The following TARS2 variants were observed in gnomAD, a reference collection of about 807,000 sequenced individuals.
The protein encoded by TARS2 is threonine--tRNA ligase, mitochondrial.
TARS2 carries 61 observed loss-of-function variants against 94.4 expected under a neutral mutation model. The observed-to-expected ratio is 0.65, with a 90% CI of 0.53 to 0.80. The LOEUF is 0.80. TARS2 is among the 30% of genes least tolerant of loss of function. The pLI, the probability that TARS2 is intolerant of heterozygous loss-of-function variation, is 0.00. For missense variants in TARS2, 704 were observed against 902.5 expected (o/e 0.78, Z 2.82); for synonymous variants, 359 against 353.4 (o/e 1.02, Z -0.18).
chr1:150,496,479 C>G lies in TARS2; in HGVS notation c.775-3C>G. On this transcript the variant is annotated splice_polypyrimidine_tract_variant and splice_region_variant and intron_variant, in intron 7 of 17. Transcript: ENST00000369064. ...TCCTTTGATCCCCTATGTCCTCACA[C>G]AGAACTCATCATCCTTATGGAGGTC... 6.2e-7 allele frequency: 1 copy of G among 1,610,226 alleles called. No homozygotes were observed. The highest frequency in any genetic ancestry group is 8.5e-7 in the Non-Finnish European group (1 of 1,177,468).
At chr1:150,497,868 G>A in intron 10 of TARS2, 121 bp downstream of exon 10, 2 of 987,122 alleles carry the variant, frequency 2.0e-6, no homozygotes. Flanking sequence ...GAGGCGGGCG[G>A]ATCACCTGAG....
intron 17 of TARS2, 107 bp from the exon 18 acceptor site, chr1:150,506,809 T>C: frequency 1.4e-6 from 2 of 1,467,990 alleles, no homozygotes; most frequent in Non-Finnish European, 1.9e-6. Context: ...TGGGCTCTGC[T>C]CCCACCCTTC....
rs148950017 is a variant in TARS2 at position 150,498,934 on chromosome 1, G to A, written c.1439G>A (p.Arg480His). ...AEIQSCLDFL[R>H]SVYAVLGFSF... is the part of the protein sequence containing the mutation. ...ATCCAAAGCTGTCTTGATTTCCTCC[G>A]TTCCGTCTATGCCGTTCTTGGCTTC... is the stretch of plus-strand genomic sequence containing the variant. The change falls in exon 12 of 18, where the codon CGT becomes CAT. Residue 480 changes from arginine to histidine, a missense_variant. Coordinates refer to ENST00000369064, the MANE Select transcript of TARS2 (RefSeq NM_025150.5). The A allele has an allele frequency of 1.4e-4, 228 of 1,614,092 alleles. 1 individual carries two copies. The highest frequency in any genetic ancestry group is 1.2e-3 in the African/African-American group (91 of 75,016).
rs1669377062 is a variant in TARS2 at position 150,491,408 on chromosome 1, C to G, written c.527C>G (p.Ser176Ter). ...CCTCTTTCCAGGACAATCCGGGGCT[C>G]AGAGCTGCCTGTTTTGGAGCGGATT... ...FLGKERTIRG[S>*]ELPVLERICQ... Residue 176 changes from serine (S) to a stop codon, truncating the protein, a stop_gained, in exon 5 of 18, where the codon TCA becomes TGA. Transcript: ENST00000369064. LOFTEE classifies it high-confidence loss of function. 1 of 1,612,866 alleles carries G rather than the reference C, an allele frequency of 6.2e-7. No individual in the cohort carries two copies. Among genetic ancestry groups the G allele is most frequent in the African/African-American group, 1.3e-5 (1 of 74,900 alleles).
intron 7 of TARS2, among the ~76,000 whole-genome samples, chr1:150,495,596 A>G (rs1192698437): frequency 6.7e-6 from 1 of 150,322 alleles, no homozygotes; most frequent in Non-Finnish European, 1.5e-5. Flanking sequence ...AGGTTTCACC[A>G]TGTTGGTCAG....
rs1560251416 is a variant in TARS2 at position 150,497,603 on chromosome 1, C to A, written c.1094C>A (p.Ser365Ter). The A allele has an allele frequency of 6.2e-7, 1 of 1,614,046 alleles. No individual in the cohort carries two copies. Among genetic ancestry groups the A allele is most frequent in the Non-Finnish European group, 8.5e-7 (1 of 1,180,040 alleles). Residue 365 changes from serine (S) to a stop codon, truncating the protein, a stop_gained, in exon 10 of 18, where the codon TCA (serine) becomes TAA (stop). Coordinates refer to ENST00000369064, the MANE Select transcript of TARS2 (RefSeq NM_025150.5). LOFTEE classifies it high-confidence loss of function. ...TTTTCTACGAAGCTCTGGGAACAGT[C>A]AGGGCACTGGGAGCATTATCAGGAA... ...TLFSTKLWEQ[S>*]GHWEHYQEDM...
chr1:150,488,664 A>G (rs1334604067), intron 2 of TARS2: 2 of 261,764 alleles, frequency 7.6e-6, no homozygotes, highest in East Asian at 8.5e-5. Flanking sequence ...TGTTGGGACT[A>G]TTTCAAATCT....
At chr1:150,493,373 T>C (rs1442574186) in intron 7 of TARS2, among the ~76,000 whole-genome samples, 1 of 151,490 alleles carries the variant, frequency 6.6e-6, no homozygotes, top group Non-Finnish European at 1.5e-5. Flanking sequence ...CAGGGAAGGG[T>C]TGTAGAGAGA....
At chr1:150,506,704 G>A (rs1670240275) in intron 17 of TARS2, among the ~76,000 whole-genome samples, 1 of 151,612 alleles carries the variant, frequency 6.6e-6, no homozygotes, top group Non-Finnish European at 1.5e-5. Context: ...AGGCCTGCGG[G>A]GACTGAAGCA....
chr1:150,502,375 C>T (rs973183569), intron 13 of TARS2, among the ~76,000 whole-genome samples: 4 of 148,744 alleles, frequency 2.7e-5, no homozygotes, highest in East Asian at 2.0e-4. Context: ...TGCACCACCA[C>T]GCCCAGCTAA....
chr1:150,494,600 G>A (rs1203420580), intron 7 of TARS2, among the ~76,000 whole-genome samples: 6 of 151,978 alleles, frequency 3.9e-5, no homozygotes, highest in East Asian at 1.9e-4. Context: ...TTAGCTGGGC[G>A]TGGTGGCATG....
In TARS2 at chr1:150,498,526, A is replaced by G; in HGVS notation, c.1263A>G (p.Arg421=). Residue 421 remains arginine (R), a synonymous_variant, in exon 11 of 18, where the codon AGA becomes AGG. Transcript: ENST00000369064. ...AHCLMFAHRP[R]SWRELPLRLA... Reference sequence around the variant, plus strand: ...GCCTGATGTTCGCCCACCGGCCCAGATCCTGGCGGGAACTGCCCCTGCGAC... The same window carrying G: ...GCCTGATGTTCGCCCACCGGCCCAGGTCCTGGCGGGAACTGCCCCTGCGAC... The G allele has an allele frequency of 6.3e-7, 1 of 1,594,036 alleles. No homozygotes were observed. Among genetic ancestry groups the G allele is most frequent in the African/African-American group, 1.4e-5 (1 of 73,794 alleles).
Position 150,490,746 on chromosome 1 carries a change from G to T in TARS2, c.512+21G>T, listed in dbSNP as rs759803896. ...GAGAGGTGAGTAATGAAAGGAAGGA[G>T]GAGAATGATTCTGGGATGGTTTCTG... is the stretch of plus-strand genomic sequence containing the variant. On this transcript the variant is annotated intron_variant, in intron 4 of 17. Transcript: ENST00000369064. The T allele has an allele frequency of 2.1e-5, 34 of 1,612,946 alleles. No homozygotes were observed. In the South Asian group the frequency reaches 3.4e-4, roughly 16 times the overall value.
Position 150,489,079 on chromosome 1 carries a change from G to A in TARS2, c.379G>A (p.Gly127Arg). The change falls in exon 3 of 18, where the codon GGG (glycine) becomes AGG (arginine). Residue 127 changes from glycine to arginine, a missense_variant. Transcript: ENST00000369064. ...ATTTCTGACATTCGATTCCCCAGAG[G>A]GGAAAGCAGTAAGTTTCTTTCTTAT... ...LRFLTFDSPE[G>R]KAVFWHSSTH... 6.2e-7 allele frequency: 1 copy of A among 1,614,068 alleles called. No homozygotes were observed.
rs777737951 is a variant in TARS2 at position 150,491,384 on chromosome 1, C to T, written c.513-10C>T. 4.3e-6 allele frequency: 7 copies of T among 1,612,162 alleles called. No individual in the cohort carries two copies. The highest frequency in any genetic ancestry group is 2.2e-5 in the East Asian group (1 of 44,890). ...ATAGGATGCAACCCAACCAATTCTCCTCTTTCCAGGACAATCCGGGGCTCA... is the reference window on the plus strand; with the variant it reads ...ATAGGATGCAACCCAACCAATTCTCTTCTTTCCAGGACAATCCGGGGCTCA... On this transcript the variant is annotated splice_polypyrimidine_tract_variant and intron_variant, in intron 4 of 17. Transcript: ENST00000369064.
At position 150,489,025 on chromosome 1, in the gene TARS2, C is replaced by T. The variant is rs771685918; in HGVS notation, c.325C>T (p.Arg109Trp). Residue 109 changes from arginine (R) to tryptophan (W), a missense_variant, in exon 3 of 18, where the codon CGG becomes TGG. By Grantham distance (101) the Arg-to-Trp change is moderately radical. This residue lies in a region of TARS2 where 208 missense variants were observed against 228.5 expected (regional missense o/e 0.91). Coordinates refer to ENST00000369064, the MANE Select transcript of TARS2 (RefSeq NM_025150.5). ...QVNGEPYDLERPLETDSDLRF... is the reference protein window; with the variant it reads ...QVNGEPYDLEWPLETDSDLRF... Reference sequence around the variant, plus strand: ...GAATGGAGAACCTTATGATCTGGAGCGGCCCTTGGAGACAGATTCTGACCT... The same window carrying T: ...GAATGGAGAACCTTATGATCTGGAGTGGCCCTTGGAGACAGATTCTGACCT... The T allele has an allele frequency of 5.6e-6, 9 of 1,614,062 alleles. No homozygotes were observed. The highest frequency in any genetic ancestry group is 2.7e-5 in the African/African-American group (2 of 74,934).
intron 3 of TARS2, 127 bp downstream of exon 3, chr1:150,489,214 A>G: frequency 7.4e-7 from 1 of 1,350,988 alleles, no homozygotes; most frequent in South Asian, 1.2e-5. Context: ...CCTACCACAG[A>G]CTGTCTTGAC....
chr1:150,491,245 A>G, intron 4 of TARS2, 149 bp from the exon 5 acceptor site: 2 of 722,798 alleles, frequency 2.8e-6, no homozygotes, highest in Admixed American at 2.6e-5. Flanking sequence ...CTGATATCCT[A>G]TTTATATTTT....
At chr1:150,495,931 A>T (rs1560249481) in intron 7 of TARS2, among the ~76,000 whole-genome samples, 1 of 151,384 alleles carries the variant, frequency 6.6e-6, no homozygotes, top group East Asian at 1.9e-4. Context: ...CATGTTAGCC[A>T]GGATGGTCTC....
Sources: allele counts gnomAD v4.1 joint callset (sites outside exome capture counted in the v4.1 genomes callset), GRCh38; gene constraint gnomAD v4.1.1; regional missense constraint gnomAD v4.1.1; transcripts MANE v1.5; gene names NCBI Gene and HGNC (gene_info 2026-07-23, HGNC 2026-07-21).